Variants in GABRB3 observed in about 807,000 individuals in gnomAD.
The protein encoded by GABRB3 is gamma-aminobutyric acid receptor subunit beta-3.
In GABRB3, 14 loss-of-function variants were observed where a neutral mutation model predicts 52.1. That is an observed-to-expected ratio of 0.27 (90% CI 0.18 to 0.42). GABRB3 has a LOEUF of 0.42. Among genes scored for constraint, GABRB3 ranks in the 10% least tolerant of loss-of-function variants. The probability of loss-of-function intolerance (pLI) is 1.00; values close to 1 mark genes in which losing one functional copy is unlikely to be tolerated. For synonymous variants in GABRB3, 260 were observed against 232.3 expected (o/e 1.12, Z -1.08); for missense variants, 307 against 609.1 (o/e 0.50, Z 5.22).
At chr15:26,703,606 G>A (rs1376675822) in intron 3 of GABRB3, among the ~76,000 whole-genome samples, 2 of 152,154 alleles carry the variant, frequency 1.3e-5, no homozygotes, top group Non-Finnish European at 2.9e-5. Flanking sequence ...TGACATTCAA[G>A]GTAGAATTCA....
intron 3 of GABRB3, among the ~76,000 whole-genome samples, chr15:26,771,032 T>C (rs1891129481): frequency 6.6e-6 from 1 of 152,176 alleles, no homozygotes; most frequent in African/African-American, 2.4e-5. Flanking sequence ...CATTTTTAAA[T>C]ACATGGGATT....
At position 26,586,994 on chromosome 15, in the gene GABRB3, T is replaced by C. The variant is rs527479747; in HGVS notation, c.462-3580A>G. On this transcript the variant is annotated intron_variant, in intron 4 of 8. Coordinates refer to ENST00000311550, the MANE Select transcript of GABRB3 (RefSeq NM_000814.6). The stretch of plus-strand genomic sequence containing the variant: ...CTATTGCAGAACATGGTGAATATAG[T>C]TAGCAGTAGAGTATTGTACATTTCA... Among the ~76,000 whole-genome samples, 16 of 152,334 alleles carry C rather than the reference T, an allele frequency of 1.1e-4. No individual in the cohort carries two copies. The East Asian group carries it at 3.1e-3, about 29-fold the overall frequency.
intron 6 of GABRB3, among the ~76,000 whole-genome samples, chr15:26,578,284 C>T (rs1329754484): frequency 6.6e-6 from 1 of 152,180 alleles, no homozygotes; most frequent in Non-Finnish European, 1.5e-5. Flanking sequence ...CTTTAAAGTG[C>T]AAGCTTTTGA....
chr15:26,574,319 A>G (rs1890515487), intron 6 of GABRB3, among the ~76,000 whole-genome samples: 1 of 152,220 alleles, frequency 6.6e-6, no homozygotes, highest in African/African-American at 2.4e-5. Flanking sequence ...CCGTAGGAAT[A>G]TTATCAGGCC....
intron 3 of GABRB3, among the ~76,000 whole-genome samples, chr15:26,671,237 A>C (rs1466478513): frequency 6.6e-6 from 1 of 152,234 alleles, no homozygotes; most frequent in Non-Finnish European, 1.5e-5. Flanking sequence ...ATTGATTTAA[A>C]ATTTTTTCCA....
intron 3 of GABRB3, among the ~76,000 whole-genome samples, chr15:26,658,122 C>A (rs1057410537): frequency 1.3e-5 from 2 of 152,128 alleles, no homozygotes; most frequent in African/African-American, 4.8e-5. Flanking sequence ...GCTGGTGCCA[C>A]CCAGACCAGT....
intron 3 of GABRB3, among the ~76,000 whole-genome samples, chr15:26,672,036 T>C (rs1257930528): frequency 6.6e-6 from 1 of 152,206 alleles, no homozygotes; most frequent in African/African-American, 2.4e-5. Flanking sequence ...ATAATTACCC[T>C]GTATCCTTCT....
chr15:26,751,453 T>C (rs1890504653), intron 3 of GABRB3, among the ~76,000 whole-genome samples: 1 of 152,130 alleles, frequency 6.6e-6, no homozygotes. Flanking sequence ...AGTGATCAGA[T>C]TTCCTTCGTT....
At chr15:26,565,154 T>C (rs539177271) in intron 7 of GABRB3, among the ~76,000 whole-genome samples, 1 of 142,706 alleles carries the variant, frequency 7.0e-6, no homozygotes, top group South Asian at 2.2e-4. Context: ...CCTTTATTAA[T>C]CTTGTCTGTT....
At chr15:26,737,231 T>C (rs890318) in intron 3 of GABRB3, among the ~76,000 whole-genome samples, 135,150 of 152,138 alleles carry the variant, frequency 0.89, 60,283 homozygotes, top group East Asian at 1. Context: ...TCAAAAGCAG[T>C]GATGACTCGA....
intron 3 of GABRB3, among the ~76,000 whole-genome samples, chr15:26,682,854 C>T (rs570229229): frequency 6.6e-6 from 1 of 152,348 alleles, no homozygotes; most frequent in South Asian, 2.1e-4. Context: ...CACCCATCAA[C>T]CTCCCAGAAC....
chr15:26,599,738 C>G (rs1040793086), intron 4 of GABRB3, among the ~76,000 whole-genome samples: 1 of 152,060 alleles, frequency 6.6e-6, no homozygotes, highest in Non-Finnish European at 1.5e-5. Context: ...GAAAAACAAA[C>G]AAAACAACAA....
chr15:26,722,716 C>G lies in GABRB3; in HGVS notation c.240+49686G>C, dbSNP rs557319836. The stretch of plus-strand genomic sequence containing the variant: ...TCATTCAGGAATACCATGGCTGGCC[C>G]GGGAAGCAGTCACAGAAATCAGGGT... On this transcript the variant is annotated intron_variant, in intron 3 of 8. Coordinates refer to ENST00000311550, the MANE Select transcript of GABRB3 (RefSeq NM_000814.6). Among the ~76,000 whole-genome samples, 4 of 152,268 alleles carry G rather than the reference C, an allele frequency of 2.6e-5. No individual in the cohort carries two copies. In the South Asian group the frequency reaches 6.2e-4, roughly 24 times the overall value.
At chr15:26,704,029 C>A (rs1889018854) in intron 3 of GABRB3, among the ~76,000 whole-genome samples, 1 of 152,196 alleles carries the variant, frequency 6.6e-6, no homozygotes. Context: ...GTTATGGAGG[C>A]TGTCTGTGAT....
intron 3 of GABRB3, among the ~76,000 whole-genome samples, chr15:26,698,503 G>C (rs985167943): frequency 2.0e-5 from 3 of 151,882 alleles, no homozygotes; most frequent in African/African-American, 7.3e-5. Flanking sequence ...TGTGACAAGG[G>C]ACCTGCAACA....
intron 3 of GABRB3, among the ~76,000 whole-genome samples, chr15:26,744,143 C>T (rs1890277254): frequency 6.6e-6 from 1 of 152,038 alleles, no homozygotes; most frequent in African/African-American, 2.4e-5. Flanking sequence ...TTCTGAGTGA[C>T]GCATATAAAA....
chr15:26,737,245 C>T (rs2140156688), intron 3 of GABRB3, among the ~76,000 whole-genome samples: 1 of 152,246 alleles, frequency 6.6e-6, no homozygotes, highest in Admixed American at 6.5e-5. Context: ...GACTCGATAG[C>T]CCAGGGAAGG....
At chr15:26,591,538 C>T (rs761415977) in intron 4 of GABRB3, among the ~76,000 whole-genome samples, 65 of 152,116 alleles carry the variant, frequency 4.3e-4, no homozygotes, top group African/African-American at 1.5e-3. Flanking sequence ...TACACAAAGC[C>T]GCAAACTGGC....
intron 3 of GABRB3, among the ~76,000 whole-genome samples, chr15:26,649,016 GATA>G (rs1226603312): frequency 6.6e-6 from 1 of 151,954 alleles, no homozygotes; most frequent in Admixed American, 6.6e-5. Context: ...GAGATGAGAA[GATA>G]CAAAGGGTCT....
Sources: gnomAD v4.1 joint callset for allele counts (sites outside exome capture counted in the v4.1 genomes callset) on GRCh38, gnomAD v4.1.1 for gene constraint, MANE v1.5 for transcripts, NCBI Gene and HGNC (gene_info 2026-07-23, HGNC 2026-07-21) for gene names.